Variants in LONP2 observed in about 807,000 individuals in gnomAD.
The protein encoded by LONP2 is lon peptidase 2, peroxisomal, also known as lon protease homolog 2, peroxisomal.
Under a neutral mutation model 85.6 loss-of-function variants are expected in LONP2, and 60 were observed. The ratio of observed to expected loss-of-function variants is 0.70; its 90% CI spans 0.57 to 0.87. LONP2 has a LOEUF of 0.87. Among genes scored for constraint, LONP2 ranks in the 40% least tolerant of loss-of-function variants. The pLI, the probability that LONP2 is intolerant of heterozygous loss-of-function variation, is 0.00. For missense variants in LONP2, 860 were observed against 1,063.5 expected, an observed-to-expected ratio of 0.81 and a Z score of 2.66; for synonymous variants, 395 against 389.7, an observed-to-expected ratio of 1.01 and a Z score of -0.16.
intron 11 of LONP2, among the ~76,000 whole-genome samples, chr16:48,320,386 T>C (rs1567340283): frequency 6.6e-6 from 1 of 152,152 alleles, no homozygotes; most frequent in Non-Finnish European, 1.5e-5. Context: ...TAAGAATTTA[T>C]AATTTTCCAA....
chr16:48,347,986 T>G, intron 13 of LONP2, 114 bp from the exon 14 acceptor site: 1 of 989,434 alleles, frequency 1.0e-6, no homozygotes, highest in Non-Finnish European at 1.5e-6. Context: ...TCCACCAATA[T>G]TTTGAAGAAT....
At chr16:48,303,358 A>G in intron 11 of LONP2, 53 bp downstream of exon 11, 2 of 1,595,382 alleles carry the variant, frequency 1.3e-6, no homozygotes, top group South Asian at 2.2e-5. Context: ...AGTGAGTGAC[A>G]GAAGAAGGTT....
At chr16:48,332,686 G>A (rs1048382912) in intron 11 of LONP2, among the ~76,000 whole-genome samples, 1 of 151,902 alleles carries the variant, frequency 6.6e-6, no homozygotes, top group African/African-American at 2.4e-5. Context: ...ACGCCCGCCT[G>A]GGTGACACAG....
Position 48,262,784 on chromosome 16 carries a change from A to C in LONP2, c.894A>C (p.Lys298Asn), listed in dbSNP as rs1232159576. The part of the protein sequence containing the change: ...KVCVKEIKRL[K>N]KMPQSMPEYA... ...GTGTATTCTTTCTCCACAGACTCAA[A>C]AAAATGCCTCAGTCAATGCCAGAAT... The change falls in exon 6 of 15, where the codon AAA becomes AAC. Residue 298 changes from lysine to asparagine, a missense_variant. Physicochemically the swap from Lys to Asn is moderately conservative, Grantham distance 94 (BLOSUM62 0). Transcript: ENST00000285737. 1 of 1,607,200 alleles carries C rather than the reference A, an allele frequency of 6.2e-7. No homozygotes were observed. The highest frequency in any genetic ancestry group is 8.5e-7 in the Non-Finnish European group (1 of 1,176,156).
At chr16:48,264,691 TAA>T (rs1555477384) in intron 6 of LONP2, among the ~76,000 whole-genome samples, 2 of 152,214 alleles carry the variant, frequency 1.3e-5, no homozygotes, top group Non-Finnish European at 2.9e-5. Flanking sequence ...GAGGAAGTGA[TAA>T]GTGTCCATGA....
At chr16:48,312,504 G>A (rs969059386) in intron 11 of LONP2, among the ~76,000 whole-genome samples, 2 of 152,036 alleles carry the variant, frequency 1.3e-5, no homozygotes, top group Non-Finnish European at 2.9e-5. Context: ...ATGTTGAGTA[G>A]GGTCATTTGG....
rs1567312743 is a variant in LONP2, at chr16:48,262,797, TC to T, written c.908del (p.Ser303Ter). On this transcript the variant is annotated frameshift_variant, in exon 6 of 15. Transcript: ENST00000285737. LOFTEE classifies it high-confidence loss of function. ...EIKRLKKMPQSMPEYALTRNY... is the reference protein window; with the variant it reads ...EIKRLKKMPQXMPEYALTRNY... ...CCACAGACTCAAAAAAATGCCTCAGTCAATGCCAGAATATGCTCTGACTAGA... is the reference window on the plus strand; with the variant it reads ...CCACAGACTCAAAAAAATGCCTCAGTAATGCCAGAATATGCTCTGACTAGA... The T allele has an allele frequency of 6.2e-7, 1 of 1,610,680 alleles. No individual in the cohort carries two copies. The highest frequency in any genetic ancestry group is 8.5e-7 in the Non-Finnish European group (1 of 1,178,220).
In LONP2 at chr16:48,299,772, C is replaced by CT. The variant is rs1429373518; in HGVS notation, c.1647dup (p.Asp550Ter). ...GATTCAGATACCCCAGGTCACCACTCTTGACATCATCACCAGGTTAGTTAG... is the reference window on the plus strand; with the variant it reads ...GATTCAGATACCCCAGGTCACCACTCTTTGACATCATCACCAGGTTAGTTAG... On this transcript the variant is annotated frameshift_variant, in exon 10 of 15. Coordinates refer to ENST00000285737, the MANE Select transcript of LONP2 (RefSeq NM_031490.5). LOFTEE classifies it high-confidence loss of function. 1 of 1,611,814 alleles carries CT rather than the reference C, an allele frequency of 6.2e-7. No homozygotes were observed. Among genetic ancestry groups the CT allele is most frequent in the Non-Finnish European group, 8.5e-7 (1 of 1,179,390 alleles).
At chr16:48,348,536 C>G (rs868011124) in intron 14 of LONP2, among the ~76,000 whole-genome samples, 14 of 146,622 alleles carry the variant, frequency 9.5e-5, no homozygotes, top group South Asian at 2.1e-4. Flanking sequence ...ACTCTGTTGC[C>G]CAGGCTGGAG....
intron 7 of LONP2, among the ~76,000 whole-genome samples, chr16:48,276,740 G>GATA: frequency 6.6e-6 from 1 of 152,042 alleles, no homozygotes; most frequent in African/African-American, 2.4e-5. Context: ...CAGAATAATG[G>GATA]AATTCTGATA....
chr16:48,314,213 GGGT>G (rs929018579), intron 11 of LONP2, among the ~76,000 whole-genome samples: 3 of 151,464 alleles, frequency 2.0e-5, no homozygotes, highest in African/African-American at 7.3e-5. Context: ...GACTTTTGTC[GGGT>G]GGATAGATTG....
At chr16:48,289,520 C>T (rs937674910) in intron 8 of LONP2, among the ~76,000 whole-genome samples, 25 of 152,186 alleles carry the variant, frequency 1.6e-4, no homozygotes, top group African/African-American at 5.8e-4. Flanking sequence ...GCAGGTTTGC[C>T]CTAAGCGTTC....
At chr16:48,309,757 C>G (rs548669757) in intron 11 of LONP2, among the ~76,000 whole-genome samples, 1 of 152,012 alleles carries the variant, frequency 6.6e-6, no homozygotes, top group South Asian at 2.1e-4. Context: ...GTTTTGTGGC[C>G]TGACGTTTGG....
intron 5 of LONP2, among the ~76,000 whole-genome samples, chr16:48,261,942 C>T (rs1007696391): frequency 3.9e-5 from 6 of 152,114 alleles, no homozygotes; most frequent in Non-Finnish European, 7.4e-5. Flanking sequence ...ATTACATTTT[C>T]TGGATATCCC....
In LONP2 at chr16:48,296,176, C is replaced by G. The variant is rs1410655433; in HGVS notation, c.1534+11C>G. ...TCATTCAGGTTCCAGGTACCTGACT[C>G]TTAAATCATTATGATACATCTTGCC... On this transcript the variant is annotated intron_variant, in intron 9 of 14. Transcript: ENST00000285737. 1 of 1,612,856 alleles carries G rather than the reference C, an allele frequency of 6.2e-7. No homozygotes were observed.
In LONP2 at chr16:48,251,273, A is replaced by G. The variant is rs1332868929; in HGVS notation, c.234-858A>G. 6.6e-5 allele frequency among the ~76,000 whole-genome samples: 10 copies of G among 152,306 alleles called. No homozygotes were observed. In the South Asian group the frequency reaches 8.3e-4, roughly 13 times the overall value. On this transcript the variant is annotated intron_variant, in intron 1 of 14. Coordinates refer to ENST00000285737, the MANE Select transcript of LONP2 (RefSeq NM_031490.5). ...CTTTTCTGGAATTACCACTTTTCCT[A>G]TGGCTGAAGGGAGAAAATATTATTT...
chr16:48,306,644 C>T (rs1295269104), intron 11 of LONP2, among the ~76,000 whole-genome samples: 2 of 151,938 alleles, frequency 1.3e-5, no homozygotes, highest in Non-Finnish European at 2.9e-5. Flanking sequence ...TATGAGATAC[C>T]CTTGAGTAAA....
intron 4 of LONP2, among the ~76,000 whole-genome samples, chr16:48,259,825 A>G (rs2150968316): frequency 6.6e-6 from 1 of 152,334 alleles, no homozygotes; most frequent in East Asian, 1.9e-4. Flanking sequence ...TCAATTACTC[A>G]TTTTGTATAG....
chr16:48,297,600 C>T (rs1363620023), intron 9 of LONP2, among the ~76,000 whole-genome samples: 3 of 152,254 alleles, frequency 2.0e-5, no homozygotes, highest in Non-Finnish European at 1.5e-5. Context: ...TGAACCGCCA[C>T]ACTCGGCCCT....
Sources: allele counts gnomAD v4.1 joint callset (sites outside exome capture counted in the v4.1 genomes callset), GRCh38; gene constraint gnomAD v4.1.1; transcripts MANE v1.5; gene names NCBI Gene and HGNC (gene_info 2026-07-23, HGNC 2026-07-21).